PTPRD: variants seen among roughly 807,000 people sequenced by gnomAD.
PTPRD encodes the protein protein tyrosine phosphatase receptor type D.
A neutral mutation model predicts 214.5 loss-of-function variants in PTPRD; 34 were observed. That is an observed-to-expected ratio of 0.16 (90% CI 0.12 to 0.21). PTPRD has a LOEUF of 0.21. Ranked by LOEUF, PTPRD falls within the 10% of genes least tolerant of loss-of-function variation. The pLI is 1.00. For missense variants in PTPRD, 2,545 were observed against 2,398.7 expected, an observed-to-expected ratio of 1.06 and a Z score of -1.27; for synonymous variants, 1,128 against 845.7, an observed-to-expected ratio of 1.33 and a Z score of -5.79.
intron 5 of PTPRD, among the ~76,000 whole-genome samples, chr9:9,931,903 A>C (rs1238874105): frequency 1.3e-5 from 2 of 151,202 alleles, no homozygotes; most frequent in Admixed American, 1.3e-4. Flanking sequence ...CTGCCTCCTC[A>C]AGTGGGTCCC....
intron 33 of PTPRD, among the ~76,000 whole-genome samples, chr9:8,453,165 A>G (rs2096029563): frequency 6.6e-6 from 1 of 152,104 alleles, no homozygotes; most frequent in South Asian, 2.1e-4. Context: ...TAAAATATGA[A>G]AAGTGTTATG....
At chr9:10,208,441 G>A (rs1032311863) in intron 3 of PTPRD, among the ~76,000 whole-genome samples, 1 of 152,224 alleles carries the variant, frequency 6.6e-6, no homozygotes, top group East Asian at 1.9e-4. Flanking sequence ...GTGAACCCGG[G>A]AGGCGGAGCT....
chr9:9,784,442 T>C (rs1291843728), intron 5 of PTPRD, among the ~76,000 whole-genome samples: 2 of 152,076 alleles, frequency 1.3e-5, no homozygotes, highest in Non-Finnish European at 2.9e-5. Context: ...GAAAAAGATA[T>C]TATTTTAAGT....
intron 11 of PTPRD, among the ~76,000 whole-genome samples, chr9:8,735,746 C>T (rs1441860174): frequency 6.6e-6 from 1 of 151,768 alleles, no homozygotes; most frequent in Non-Finnish European, 1.5e-5. Flanking sequence ...TCCGTCTCTA[C>T]TAAAAACACA....
intron 2 of PTPRD, among the ~76,000 whole-genome samples, chr9:10,441,021 G>A (rs1588233184): frequency 6.6e-6 from 1 of 151,604 alleles, no homozygotes; most frequent in African/African-American, 2.4e-5. Flanking sequence ...TTCACAGAGT[G>A]AAAATATCCA....
intron 8 of PTPRD, among the ~76,000 whole-genome samples, chr9:9,525,079 G>A (rs112690381): frequency 0.021 from 3,249 of 152,184 alleles, 113 homozygotes; most frequent in African/African-American, 0.075. Flanking sequence ...GGATGGTCTC[G>A]ATCTCTTGAC....
At chr9:10,270,023 G>C (rs1196057525) in intron 3 of PTPRD, among the ~76,000 whole-genome samples, 1 of 151,896 alleles carries the variant, frequency 6.6e-6, no homozygotes, top group African/African-American at 2.4e-5. Flanking sequence ...TGTTACAATG[G>C]CGCTACATAA....
chr9:10,486,869 T>C (rs188657161), intron 2 of PTPRD, among the ~76,000 whole-genome samples: 2 of 152,302 alleles, frequency 1.3e-5, no homozygotes, highest in Admixed American at 1.3e-4. Flanking sequence ...TGATTTTCTT[T>C]CTAGAAGATC....
At chr9:8,763,954 A>G (rs928775767) in intron 11 of PTPRD, among the ~76,000 whole-genome samples, 2 of 152,248 alleles carry the variant, frequency 1.3e-5, no homozygotes, top group African/African-American at 4.8e-5. Context: ...TTATTTTCAG[A>G]AAATTAATGC....
intron 10 of PTPRD, among the ~76,000 whole-genome samples, chr9:9,125,884 G>C (rs924449958): frequency 6.6e-6 from 1 of 152,170 alleles, no homozygotes; most frequent in African/African-American, 2.4e-5. Context: ...TACTGAGGAG[G>C]TGACCTTTGA....
At chr9:9,556,017 G>A (rs937104769) in intron 8 of PTPRD, among the ~76,000 whole-genome samples, 6 of 151,946 alleles carry the variant, frequency 3.9e-5, no homozygotes, top group Non-Finnish European at 7.4e-5. Context: ...CAATGTGGGG[G>A]ACCCCACAGG....
chr9:8,450,936 G>GGT (rs962047134), intron 33 of PTPRD, among the ~76,000 whole-genome samples: 3 of 151,884 alleles, frequency 2.0e-5, no homozygotes, highest in African/African-American at 7.3e-5. Flanking sequence ...TTTTTACTGT[G>GGT]GGGGGGAAAA....
At chr9:9,631,192 C>CATAA (rs140642091) in intron 7 of PTPRD, among the ~76,000 whole-genome samples, 7,048 of 139,410 alleles carry the variant, frequency 0.051, 209 homozygotes, top group Middle Eastern at 0.095. Flanking sequence ...GTATCTCATT[C>CATAA]ATAAATAAAT....
At chr9:8,715,770 T>A (rs1334047763) in intron 12 of PTPRD, among the ~76,000 whole-genome samples, 1 of 152,372 alleles carries the variant, frequency 6.6e-6, no homozygotes, top group African/African-American at 2.4e-5. Flanking sequence ...TCATTTGATC[T>A]CTTTAATATT....
intron 11 of PTPRD, among the ~76,000 whole-genome samples, chr9:8,895,890 G>C (rs760047751): frequency 2.0e-5 from 3 of 152,190 alleles, no homozygotes; most frequent in African/African-American, 7.2e-5. Context: ...AAGTTGAGCC[G>C]AATAGCACTT....
intron 3 of PTPRD, among the ~76,000 whole-genome samples, chr9:10,046,958 A>G (rs2097410223): frequency 6.6e-6 from 1 of 152,010 alleles, no homozygotes; most frequent in Admixed American, 6.6e-5. Context: ...TTTATTGATA[A>G]TAAGTAGATC....
At chr9:8,636,385 G>C (rs1368456754) in intron 13 of PTPRD, among the ~76,000 whole-genome samples, 1 of 152,106 alleles carries the variant, frequency 6.6e-6, no homozygotes, top group Non-Finnish European at 1.5e-5. Flanking sequence ...GAAGAGACAA[G>C]CTTTCATACA....
rs2097576191 is a variant in PTPRD, at chr9:9,705,188, A to G, written c.-287+29345T>C. Among the ~76,000 whole-genome samples the G allele has an allele frequency of 1.3e-5, 2 of 152,234 alleles. 1 individual carries two copies. The highest frequency in any genetic ancestry group is 4.1e-4 in the South Asian group (2 of 4,832). Reference sequence around the variant, plus strand: ...ATTCAGTATATATTCATAGAATTGCATATGACAGATAATATTTCATAATGG... The same window carrying G: ...ATTCAGTATATATTCATAGAATTGCGTATGACAGATAATATTTCATAATGG... On this transcript the variant is annotated intron_variant, in intron 7 of 45. Coordinates refer to ENST00000381196, the MANE Select transcript of PTPRD (RefSeq NM_002839.4).
At chr9:10,201,392 A>C (rs1431426857) in intron 3 of PTPRD, among the ~76,000 whole-genome samples, 1 of 152,086 alleles carries the variant, frequency 6.6e-6, no homozygotes, top group Admixed American at 6.6e-5. Context: ...GGCATACTTA[A>C]AGTCCTTCAA....
Sources: gnomAD v4.1 joint callset for allele counts (sites outside exome capture counted in the v4.1 genomes callset) on GRCh38, gnomAD v4.1.1 for gene constraint, MANE v1.5 for transcripts, NCBI Gene and HGNC (gene_info 2026-07-23, HGNC 2026-07-21) for gene names.